Variants in BNIP3 observed in about 807,000 individuals in gnomAD.
BNIP3 encodes BCL2 interacting protein 3.
BNIP3 carries 16 observed loss-of-function variants against 23.9 expected under a neutral mutation model. The ratio of observed to expected loss-of-function variants is 0.67; its 90% CI spans 0.45 to 1.01. The LOEUF is 1.01. Ranked by LOEUF, BNIP3 falls within the 50% of genes least tolerant of loss-of-function variation. The pLI is 0.00. For synonymous variants in BNIP3, 81 were observed against 89.3 expected, an observed-to-expected ratio of 0.91 and a Z score of 0.53; for missense variants, 198 against 248.7, an observed-to-expected ratio of 0.80 and a Z score of 1.37.
intron 1 of BNIP3, among the ~76,000 whole-genome samples, chr10:131,977,205 G>A (rs2037084682): frequency 6.6e-6 from 1 of 152,044 alleles, no homozygotes; most frequent in African/African-American, 2.4e-5. Flanking sequence ...AGAGGGGGAG[G>A]TTGCAGTGAG....
chr10:131,970,716 CCTTT>C lies in BNIP3; in HGVS notation c.457_460del (p.Lys153GlyfsTer9), dbSNP rs762599348. On this transcript the variant is annotated frameshift_variant, in exon 5 of 6. Coordinates refer to ENST00000368636, the MANE Select transcript of BNIP3 (RefSeq NM_004052.4). LOFTEE classifies it high-confidence loss of function. The surrounding 1 kb of genome is among the most constrained non-coding windows in gnomAD (Gnocchi z 4.1). ...CAGAAATTCTGCAGAGAATATGCCC[CCTTT>C]CTTCATGACGCTCGTGTTCCTCATG... 3.1e-6 allele frequency: 5 copies of C among 1,614,204 alleles called. No homozygotes were observed. The highest frequency in any genetic ancestry group is 4.2e-6 in the Non-Finnish European group (5 of 1,180,038).
intron 1 of BNIP3, among the ~76,000 whole-genome samples, chr10:131,975,307 T>C (rs1442965300): frequency 6.6e-6 from 1 of 152,236 alleles, no homozygotes; most frequent in Middle Eastern, 3.2e-3. Flanking sequence ...ATCTCTCTAC[T>C]TTGTGTCATA....
chr10:131,970,424 GACAGCAGCACC>G lies in BNIP3; in HGVS notation c.539+203_539+213del. 1.5e-6 allele frequency: 1 copy of G among 651,216 alleles called. No individual in the cohort carries two copies. Among genetic ancestry groups the G allele is most frequent in the East Asian group, 2.8e-5 (1 of 35,912 alleles). The allele number at this position is 651,216 out of a possible 1,614,324, so 40.3% of individuals were successfully genotyped here. ...AGCAACAGGCAGACTCGTCAGGCCA[GACAGCAGCACC>G]ACAGGGCGCCTGTGCTGGGGCCTTT... On this transcript the variant is annotated intron_variant, in intron 5 of 5. Transcript: ENST00000368636. The surrounding 1 kb of genome is among the most constrained non-coding windows in gnomAD (Gnocchi z 4.1).
intron 1 of BNIP3, among the ~76,000 whole-genome samples, chr10:131,975,408 A>T (rs1041231554): frequency 6.6e-6 from 1 of 152,242 alleles, no homozygotes; most frequent in African/African-American, 2.4e-5. Context: ...AGGCCACAAA[A>T]GACAGGGAAA....
chr10:131,972,908 T>C, intron 3 of BNIP3, 126 bp downstream of exon 3: 1 of 926,964 alleles, frequency 1.1e-6, no homozygotes, highest in South Asian at 1.7e-5. Flanking sequence ...TTTTTTGTTT[T>C]TTTTAAAGCA....
intron 1 of BNIP3, among the ~76,000 whole-genome samples, chr10:131,978,755 T>C (rs2037097777): frequency 6.6e-6 from 1 of 152,136 alleles, no homozygotes; most frequent in South Asian, 2.1e-4. Context: ...GAAAAAGCTC[T>C]GGGATAAATG....
chr10:131,968,813 A>G, intron 5 of BNIP3: 2 of 371,488 alleles, frequency 5.4e-6, no homozygotes, highest in South Asian at 6.4e-5. Flanking sequence ...GGATCACCAA[A>G]CCGAATGCTG....
chr10:131,973,273 C>A, intron 2 of BNIP3, 155 bp from the exon 3 acceptor site: 1 of 695,222 alleles, frequency 1.4e-6, no homozygotes, highest in Non-Finnish European at 2.4e-6. Flanking sequence ...CTGCCAGAGC[C>A]AAACTCTTCC....
At position 131,970,576 on chromosome 10, in the gene BNIP3, A is replaced by C. The variant is rs1407139131; in HGVS notation, c.539+62T>G. On this transcript the variant is annotated intron_variant, in intron 5 of 5. Coordinates refer to ENST00000368636, the MANE Select transcript of BNIP3 (RefSeq NM_004052.4). This position sits in a 1 kb window ranked among gnomAD's most constrained non-coding sequence, Gnocchi z 4.1. The stretch of plus-strand genomic sequence containing the variant: ...TCAGGAAACAGGTTACGAATAAATC[A>C]CTGCAACCCAGAATCGCCCCACGAC... The C allele has an allele frequency of 4.5e-6, 7 of 1,570,322 alleles. No homozygotes were observed. The highest frequency in any genetic ancestry group is 6.1e-6 in the Non-Finnish European group (7 of 1,155,306).
rs1409452005 is a variant in BNIP3 at position 131,976,675 on chromosome 10, AC to A, written c.47-2733del. On this transcript the variant is annotated intron_variant, in intron 1 of 5. Transcript: ENST00000368636. The surrounding 1 kb of genome is among the most constrained non-coding windows in gnomAD (Gnocchi z 4.3). ...ACTTACCCCACATGTCCCAACCCTA[AC>A]CCCAACCATGCTACCCGCACCTCAT... Among the ~76,000 whole-genome samples the A allele has an allele frequency of 6.6e-6, 1 of 151,386 alleles. No individual in the cohort carries two copies. Among genetic ancestry groups the A allele is most frequent in the Non-Finnish European group, 1.5e-5 (1 of 67,798 alleles).
At chr10:131,968,622 G>T in intron 5 of BNIP3, 53 bp from the exon 6 acceptor site, 1 of 1,488,078 alleles carries the variant, frequency 6.7e-7, no homozygotes, top group Admixed American at 1.7e-5. Flanking sequence ...ACAGGAGACT[G>T]TGTTACAGCT....
rs533367842 is a variant in BNIP3 at position 131,976,723 on chromosome 10, A to G, written c.47-2780T>C. Among the ~76,000 whole-genome samples, 1 of 151,900 alleles carries G rather than the reference A, an allele frequency of 6.6e-6. No individual in the cohort carries two copies. Among genetic ancestry groups the G allele is most frequent in the African/African-American group, 2.4e-5 (1 of 41,418 alleles). On this transcript the variant is annotated intron_variant, in intron 1 of 5. Transcript: ENST00000368636. This position sits in a 1 kb window ranked among gnomAD's most constrained non-coding sequence, Gnocchi z 4.3. Reference sequence around the variant, plus strand: ...TCATGGCTCCCCCATCTCCATCTCCAGTCCCCTCCCCTCCTAGGAGGGGCT... The same window carrying G: ...TCATGGCTCCCCCATCTCCATCTCCGGTCCCCTCCCCTCCTAGGAGGGGCT...
intron 1 of BNIP3, among the ~76,000 whole-genome samples, chr10:131,979,983 C>T (rs2037106843): frequency 6.6e-6 from 1 of 152,270 alleles, no homozygotes; most frequent in African/African-American, 2.4e-5. Context: ...CGGGACCGGC[C>T]AACCCCGCCC....
chr10:131,973,510 C>G, intron 2 of BNIP3: 1 of 508,812 alleles, frequency 2.0e-6, no homozygotes, highest in Non-Finnish European at 3.5e-6. Context: ...CACAGCCCCG[C>G]TGAGGCGCGT....
chr10:131,981,357 T>TA (rs1167395478), intron 1 of BNIP3: 32 of 265,886 alleles, frequency 1.2e-4, no homozygotes, highest in South Asian at 3.3e-4. Context: ...CGCCTTGGTG[T>TA]TTGGTCATTA....
At chr10:131,971,080 G>A (rs965495051) in intron 3 of BNIP3, 110 bp from the exon 4 acceptor site, 6 of 1,007,126 alleles carry the variant, frequency 6.0e-6, no homozygotes, top group Non-Finnish European at 6.0e-6. Flanking sequence ...AGAGCCCAGA[G>A]GCACATGTCA....
chr10:131,974,775 C>G (rs114958741), intron 1 of BNIP3, among the ~76,000 whole-genome samples: 1 of 152,150 alleles, frequency 6.6e-6, no homozygotes, highest in Non-Finnish European at 1.5e-5. Flanking sequence ...TGGATAGCAT[C>G]TTTTTTGAAC....
Position 131,981,812 on chromosome 10 carries a change from C to A in BNIP3, c.-6G>T. 6.8e-7 allele frequency: 1 copy of A among 1,475,464 alleles called. No homozygotes were observed. The highest frequency in any genetic ancestry group is 8.9e-7 in the Non-Finnish European group (1 of 1,118,232). The allele number at this position is 1,475,464 out of a possible 1,614,324, so 91.4% of individuals were successfully genotyped here. A position where few individuals can be genotyped will look rare whatever the true frequency, so the allele number is the denominator to read the frequency against. ...GGCGCTCCGTTCTGCGACATGGCGCCAGAGGGCAACTGCGGCGATCGGAGT... is the reference window on the plus strand; with the variant it reads ...GGCGCTCCGTTCTGCGACATGGCGCAAGAGGGCAACTGCGGCGATCGGAGT... On this transcript the variant is annotated 5_prime_UTR_variant, in exon 1 of 6. Coordinates refer to ENST00000368636, the MANE Select transcript of BNIP3 (RefSeq NM_004052.4).
At position 131,971,071 on chromosome 10, in the gene BNIP3, G is replaced by C. The variant is rs185794432; in HGVS notation, c.283-101C>G. ...CTTCAGATCCGCAGGCTCAATTCAA[G>C]AGCCCAGAGGCACATGTCAGTGCCT... On this transcript the variant is annotated intron_variant, in intron 3 of 5. Coordinates refer to ENST00000368636, the MANE Select transcript of BNIP3 (RefSeq NM_004052.4). The C allele has an allele frequency of 1.0e-4, 111 of 1,060,474 alleles. 2 individuals carry two copies. The African/African-American group carries it at 1.5e-3, about 14-fold the overall frequency. The allele number at this position is 1,060,474 out of a possible 1,614,324, so 65.7% of individuals were successfully genotyped here.
Sources: gnomAD v4.1 joint callset for allele counts (sites outside exome capture counted in the v4.1 genomes callset) on GRCh38, gnomAD v4.1.1 for gene constraint, Gnocchi (gnomAD v3.1) non-coding constraint, MANE v1.5 for transcripts, NCBI Gene and HGNC (gene_info 2026-07-23, HGNC 2026-07-21) for gene names.